The following HYDIN variants were observed in gnomAD, a reference collection of about 807,000 sequenced individuals.
HYDIN encodes the protein HYDIN axonemal central pair apparatus protein.
In HYDIN, 132 loss-of-function variants were observed where a neutral mutation model predicts 403.9. The observed-to-expected ratio is 0.33, with a 90% CI of 0.28 to 0.38. HYDIN has a LOEUF of 0.38. Ranked by LOEUF, HYDIN falls within the 10% of genes least tolerant of loss-of-function variation. The pLI, the probability that HYDIN is intolerant of heterozygous loss-of-function variation, is 1.00. For missense variants in HYDIN, 2,827 were observed against 5,009.5 expected (o/e 0.56, Z 13.15); for synonymous variants, 1,202 against 1,891.7 (o/e 0.64, Z 9.46).
intron 1 of HYDIN, among the ~76,000 whole-genome samples, chr16:71,215,510 C>T (rs573158418): frequency 6.6e-6 from 1 of 151,716 alleles, no homozygotes; most frequent in South Asian, 2.1e-4. Context: ...TGATGGGGAA[C>T]ATTATAATCA....
chr16:71,017,213 G>A (rs1189084273), intron 23 of HYDIN, among the ~76,000 whole-genome samples: 1 of 151,332 alleles, frequency 6.6e-6, no homozygotes, highest in African/African-American at 2.4e-5. Context: ...TGCCAGGCGT[G>A]GTGGCAGGCA....
chr16:70,864,916 T>G (rs889293689), intron 67 of HYDIN, among the ~76,000 whole-genome samples: 2 of 152,068 alleles, frequency 1.3e-5, no homozygotes, highest in Non-Finnish European at 2.9e-5. Context: ...CCGGCAAAAC[T>G]TTATCTACAA....
chr16:70,809,762 G>T, intron 85 of HYDIN, 21 bp downstream of exon 85: 1 of 1,573,514 alleles, frequency 6.4e-7, no homozygotes, highest in Non-Finnish European at 8.7e-7. Flanking sequence ...AAGGGCAGAA[G>T]GTAGAGCAGG....
chr16:71,179,483 T>G (rs1277543169), intron 3 of HYDIN, among the ~76,000 whole-genome samples: 1 of 152,220 alleles, frequency 6.6e-6, no homozygotes, highest in African/African-American at 2.4e-5. Flanking sequence ...TACCAAAGGG[T>G]ATTCTTTATG....
chr16:70,871,351 C>A (rs1156320101), intron 65 of HYDIN, among the ~76,000 whole-genome samples: 2 of 152,206 alleles, frequency 1.3e-5, no homozygotes, highest in African/African-American at 2.4e-5. Flanking sequence ...GTCAACAGAG[C>A]AGGAGGCAGT....
At chr16:71,156,808 C>G (rs569730181) in intron 6 of HYDIN, among the ~76,000 whole-genome samples, 149 of 152,126 alleles carry the variant, frequency 9.8e-4, no homozygotes, top group Middle Eastern at 3.4e-3. Flanking sequence ...TCTTAATACT[C>G]TCTATTTCAC....
chr16:71,168,261 G>C (rs1341891097), intron 5 of HYDIN, among the ~76,000 whole-genome samples: 2 of 147,912 alleles, frequency 1.4e-5, no homozygotes, highest in African/African-American at 5.0e-5. Flanking sequence ...GGAGGTTGCA[G>C]TGAGCAGAGA....
At chr16:71,065,711 T>C (rs1394940335) in intron 15 of HYDIN, among the ~76,000 whole-genome samples, 1 of 152,130 alleles carries the variant, frequency 6.6e-6, no homozygotes, top group African/African-American at 2.4e-5. Flanking sequence ...GATATTGGCA[T>C]TATAAACTCT....
At chr16:71,059,440 GGT>G (rs1254570851) in intron 18 of HYDIN, among the ~76,000 whole-genome samples, 1 of 152,200 alleles carries the variant, frequency 6.6e-6, no homozygotes, top group Non-Finnish European at 1.5e-5. Flanking sequence ...AAGATAAGAT[GGT>G]TGTAAGCTGT....
intron 7 of HYDIN, among the ~76,000 whole-genome samples, chr16:71,144,325 G>C (rs191671905): frequency 7.8e-3 from 1,057 of 136,208 alleles, no homozygotes; most frequent in Non-Finnish European, 9.8e-3. Context: ...CCATTTGTTT[G>C]TCTCTTCAGA....
intron 37 of HYDIN, among the ~76,000 whole-genome samples, chr16:70,964,403 C>A (rs1379579287): frequency 6.6e-6 from 1 of 151,060 alleles, no homozygotes; most frequent in Admixed American, 6.6e-5. Flanking sequence ...GTGGACCTGG[C>A]CTCTCTGCGC....
chr16:70,888,084 C>T (rs552796268), intron 58 of HYDIN, among the ~76,000 whole-genome samples: 1 of 152,360 alleles, frequency 6.6e-6, no homozygotes, highest in East Asian at 1.9e-4. Context: ...TCTCCATTTG[C>T]TTCTTCTCTA....
chr16:71,187,160 C>T (rs566702636), intron 1 of HYDIN, among the ~76,000 whole-genome samples: 24 of 152,222 alleles, frequency 1.6e-4, no homozygotes, highest in African/African-American at 5.8e-4. Flanking sequence ...CTCAGGAAGA[C>T]ATGGAAGTAC....
At chr16:70,826,491 A>G (rs1432166024) in intron 83 of HYDIN, among the ~76,000 whole-genome samples, 2 of 152,084 alleles carry the variant, frequency 1.3e-5, no homozygotes, top group Non-Finnish European at 2.9e-5. Context: ...GTTTGCTTTA[A>G]TAACTCTTTC....
At chr16:71,089,500 G>T (rs1216200072) in intron 11 of HYDIN, among the ~76,000 whole-genome samples, 3 of 152,168 alleles carry the variant, frequency 2.0e-5, no homozygotes, top group Non-Finnish European at 4.4e-5. Context: ...GAAACTTTCA[G>T]AAGGTTAGCA....
At chr16:70,872,007 T>A (rs1210767329) in intron 65 of HYDIN, 30 bp downstream of exon 65, 1 of 1,610,242 alleles carries the variant, frequency 6.2e-7, no homozygotes, top group South Asian at 1.1e-5. Flanking sequence ...ACTAAGGGAT[T>A]CCAAAAAATG....
At chr16:71,075,965 G>C (rs1303257445) in intron 13 of HYDIN, 1 of 413,380 alleles carries the variant, frequency 2.4e-6, no homozygotes, top group South Asian at 1.8e-5. Context: ...ATCAGTACTT[G>C]AGGATCTCTC....
intron 39 of HYDIN, among the ~76,000 whole-genome samples, chr16:70,957,273 G>A (rs981269421): frequency 6.6e-6 from 1 of 150,760 alleles, no homozygotes; most frequent in African/African-American, 2.4e-5. Context: ...ATTTCACCTT[G>A]CATAAGGTCC....
chr16:70,917,221 C>T (rs1311306896), intron 47 of HYDIN, among the ~76,000 whole-genome samples: 7 of 152,246 alleles, frequency 4.6e-5, no homozygotes, highest in African/African-American at 9.6e-5. Flanking sequence ...AGTGCCCAGC[C>T]GGCTGATTTT....
Sources: gnomAD v4.1 joint callset for allele counts (sites outside exome capture counted in the v4.1 genomes callset) on GRCh38, gnomAD v4.1.1 for gene constraint, MANE v1.5 for transcripts, NCBI Gene and HGNC (gene_info 2026-07-23, HGNC 2026-07-21) for gene names.